JMJD1C: variants seen among roughly 807,000 people sequenced by gnomAD.
The protein encoded by JMJD1C is jumonji domain containing 1C, also known as jumonji domain-containing protein 1C.
A neutral mutation model predicts 245.3 loss-of-function variants in JMJD1C; 31 were observed. That is an observed-to-expected ratio of 0.13 (90% CI 0.09 to 0.17). JMJD1C has a LOEUF of 0.17. Among genes scored for constraint, JMJD1C ranks in the 10% least tolerant of loss-of-function variants. JMJD1C has a pLI of 1.00. For missense variants in JMJD1C, 2,691 were observed against 3,000.2 expected, an observed-to-expected ratio of 0.90 and a Z score of 2.41; for synonymous variants, 1,057 against 1,017.4, an observed-to-expected ratio of 1.04 and a Z score of -0.74.
At chr10:63,296,746 TATA>T (rs1450445447) in intron 2 of JMJD1C, among the ~76,000 whole-genome samples, 1 of 152,214 alleles carries the variant, frequency 6.6e-6, no homozygotes, top group Non-Finnish European at 1.5e-5. Flanking sequence ...AGAATCTGCA[TATA>T]ATGAGATCAG....
rs556997041 is a variant in JMJD1C, at chr10:63,262,445, C to G, written c.447+2206G>C. On this transcript the variant is annotated intron_variant, in intron 3 of 25. Transcript: ENST00000399262. ...GAGAAAATATTTTTATATTTATAAC[C>G]TGATCTTATTTAAAAACCCTAACTA... is the stretch of plus-strand genomic sequence containing the variant. Among the ~76,000 whole-genome samples, 7 of 152,052 alleles carry G rather than the reference C, an allele frequency of 4.6e-5. No individual in the cohort carries two copies. In the East Asian group the frequency reaches 1.4e-3, roughly 29 times the overall value.
chr10:63,193,478 A>G lies in JMJD1C; in HGVS notation c.5735-6T>C. On this transcript the variant is annotated splice_region_variant and splice_polypyrimidine_tract_variant and intron_variant, in intron 14 of 25. Transcript: ENST00000399262. ...ATCTAGAAGATCTGTCAAAACTACA[A>G]AATAAAATGGTAGTTAATAAAAAGA... The G allele has an allele frequency of 6.4e-7, 1 of 1,571,756 alleles. No individual in the cohort carries two copies. Among genetic ancestry groups the G allele is most frequent in the Non-Finnish European group, 8.6e-7 (1 of 1,160,104 alleles).
intron 10 of JMJD1C, among the ~76,000 whole-genome samples, chr10:63,201,705 G>A (rs1168172527): frequency 2.6e-5 from 4 of 152,070 alleles, no homozygotes; most frequent in South Asian, 2.1e-4. Flanking sequence ...TGAGGCGGGC[G>A]GATCACCTGA....
In JMJD1C at chr10:63,389,903, G is replaced by A. The variant is rs1947919314; in HGVS notation, c.169-9421C>T. On this transcript the variant is annotated intron_variant, in intron 1 of 25. Transcript: ENST00000399262. The stretch of plus-strand genomic sequence containing the variant: ...AGAATATTTAATAAAGTAGTGCTAA[G>A]ATGGAAGTTCATAATTAATACCTAT... 2.0e-5 allele frequency among the ~76,000 whole-genome samples: 3 copies of A among 152,078 alleles called. No individual in the cohort carries two copies. The South Asian group carries it at 6.2e-4, about 32-fold the overall frequency.
At chr10:63,382,857 C>G in intron 1 of JMJD1C, 1 of 456,042 alleles carries the variant, frequency 2.2e-6, no homozygotes. Context: ...TGGCCTAGCT[C>G]AAGTTCTTCC....
At chr10:63,310,467 G>A (rs984746864) in intron 2 of JMJD1C, among the ~76,000 whole-genome samples, 1 of 152,144 alleles carries the variant, frequency 6.6e-6, no homozygotes, top group African/African-American at 2.4e-5. Flanking sequence ...ATCAGAAACA[G>A]TCCTACTCAT....
intron 1 of JMJD1C, among the ~76,000 whole-genome samples, chr10:63,507,868 T>A (rs2133273221): frequency 6.6e-6 from 1 of 152,314 alleles, no homozygotes; most frequent in Middle Eastern, 3.4e-3. Context: ...TCTACAAATC[T>A]TCTTTGGTGA....
At chr10:63,498,770 C>T (rs1463547715) in intron 1 of JMJD1C, among the ~76,000 whole-genome samples, 1 of 151,982 alleles carries the variant, frequency 6.6e-6, no homozygotes, top group Non-Finnish European at 1.5e-5. Context: ...TTTAAGTATA[C>T]AGTACAGTGT....
At chr10:63,429,171 G>A (rs1301763440) in intron 1 of JMJD1C, among the ~76,000 whole-genome samples, 1 of 152,012 alleles carries the variant, frequency 6.6e-6, no homozygotes, top group Non-Finnish European at 1.5e-5. Flanking sequence ...GTAGAGACAG[G>A]GTTTCTTCAT....
chr10:63,265,950 T>C (rs1855523929), intron 2 of JMJD1C, among the ~76,000 whole-genome samples: 1 of 152,148 alleles, frequency 6.6e-6, no homozygotes, highest in African/African-American at 2.4e-5. Context: ...AGGGAAAAAC[T>C]TCAAGATGTT....
intron 8 of JMJD1C, among the ~76,000 whole-genome samples, chr10:63,212,005 A>T (rs942484213): frequency 4.2e-5 from 6 of 141,502 alleles, no homozygotes; most frequent in East Asian, 2.0e-4. Context: ...AATAAGAAGA[A>T]GATCATGTCA....
chr10:63,497,721 T>C lies in JMJD1C; in HGVS notation n.113+24017A>G, dbSNP rs186767951. 1.2e-4 allele frequency among the ~76,000 whole-genome samples: 19 copies of C among 152,288 alleles called. No individual in the cohort carries two copies. The East Asian group carries it at 3.5e-3, about 28-fold the overall frequency. ...AAAGTTAAGAAAACTGTAAAGGAAG[T>C]AACAAGTCAATTTTCTGCTCTAAAG... On this transcript the variant is annotated intron_variant and non_coding_transcript_variant, in intron 1 of 3. Transcript: ENST00000633035.
At chr10:63,419,839 A>AT (rs1950018863) in intron 1 of JMJD1C, among the ~76,000 whole-genome samples, 1 of 144,808 alleles carries the variant, frequency 6.9e-6, no homozygotes, top group Non-Finnish European at 1.5e-5. Flanking sequence ...TGAAATAAAA[A>AT]AAAAAAAAAA....
At chr10:63,481,111 A>G (rs879318963) in intron 1 of JMJD1C, among the ~76,000 whole-genome samples, 3 of 152,226 alleles carry the variant, frequency 2.0e-5, no homozygotes, top group Non-Finnish European at 2.9e-5. Context: ...TTCAACTTCT[A>G]CCTGCTGAGA....
At chr10:63,424,186 T>C (rs1272792645) in intron 1 of JMJD1C, among the ~76,000 whole-genome samples, 3 of 151,704 alleles carry the variant, frequency 2.0e-5, no homozygotes, top group African/African-American at 7.3e-5. Context: ...CTCAGCCTCC[T>C]GAGTAGCAGC....
intron 1 of JMJD1C, among the ~76,000 whole-genome samples, chr10:63,499,177 A>C (rs996444854): frequency 1.3e-5 from 2 of 152,238 alleles, no homozygotes; most frequent in Non-Finnish European, 2.9e-5. Context: ...TGCAATGAAC[A>C]CAGGAGTGCT....
intron 3 of JMJD1C, chr10:63,223,051 G>A: frequency 1.8e-6 from 2 of 1,135,424 alleles, no homozygotes; most frequent in Non-Finnish European, 2.6e-6. Context: ...GAATATAATT[G>A]GTATATGTCT....
intron 2 of JMJD1C, among the ~76,000 whole-genome samples, chr10:63,310,469 C>A (rs1426050368): frequency 6.6e-6 from 1 of 152,104 alleles, no homozygotes; most frequent in Non-Finnish European, 1.5e-5. Flanking sequence ...CAGAAACAGT[C>A]CTACTCATTA....
intron 24 of JMJD1C, among the ~76,000 whole-genome samples, chr10:63,168,767 G>A (rs945033708): frequency 2.0e-5 from 3 of 152,184 alleles, no homozygotes; most frequent in Non-Finnish European, 2.9e-5. Context: ...AAGTGACTTT[G>A]TAAATGGAAT....
Sources: allele counts gnomAD v4.1 joint callset (sites outside exome capture counted in the v4.1 genomes callset), GRCh38; gene constraint gnomAD v4.1.1; transcripts MANE v1.5; gene names NCBI Gene and HGNC (gene_info 2026-07-23, HGNC 2026-07-21).